Variants in CNIH3 observed in about 807,000 individuals in gnomAD.
CNIH3 encodes cornichon family AMPA receptor auxiliary protein 3.
CNIH3 carries 14 observed loss-of-function variants against 24.1 expected under a neutral mutation model. The observed-to-expected ratio is 0.58, with a 90% CI of 0.38 to 0.91. CNIH3 has a LOEUF of 0.91. Ranked by LOEUF, CNIH3 falls within the 40% of genes least tolerant of loss-of-function variation. The pLI is 0.00. For missense variants in CNIH3, 178 were observed against 196.8 expected, an observed-to-expected ratio of 0.90 and a Z score of 0.57; for synonymous variants, 68 against 73.8, an observed-to-expected ratio of 0.92 and a Z score of 0.40.
At chr1:224,739,180 G>T in intron 5 of CNIH3, 149 bp from the exon 6 acceptor site, 1 of 1,403,772 alleles carries the variant, frequency 7.1e-7, no homozygotes, top group Non-Finnish European at 9.5e-7. Flanking sequence ...AGTGGAGTTG[G>T]CGAGATGCTG....
chr1:224,575,537 T>C, intron 4 of CNIH3: 1 of 484,518 alleles, frequency 2.1e-6, no homozygotes, highest in South Asian at 2.3e-5. Context: ...TCTAGCTTGA[T>C]GTTGGATCTG....
intron 1 of CNIH3, 39 bp from the exon 2 acceptor site, chr1:224,680,919 G>T (rs575142252): frequency 2.7e-6 from 4 of 1,478,406 alleles, no homozygotes; most frequent in East Asian, 4.5e-5. Flanking sequence ...GTGTTGACTC[G>T]TGTGCACTAA....
chr1:224,658,531 T>G (rs1478905024), intron 1 of CNIH3, among the ~76,000 whole-genome samples: 1 of 151,918 alleles, frequency 6.6e-6, no homozygotes, highest in East Asian at 1.9e-4. Flanking sequence ...CAAAGGTTAA[T>G]ACACCTGATT....
chr1:224,697,026 G>A (rs1449060268), intron 3 of CNIH3, among the ~76,000 whole-genome samples: 1 of 152,200 alleles, frequency 6.6e-6, no homozygotes, highest in Non-Finnish European at 1.5e-5. Flanking sequence ...ATGTTAGCTA[G>A]CTGCAAAGTT....
intron 1 of CNIH3, among the ~76,000 whole-genome samples, chr1:224,679,515 A>G (rs918437579): frequency 6.6e-6 from 1 of 152,202 alleles, no homozygotes; most frequent in Non-Finnish European, 1.5e-5. Flanking sequence ...AAGGAAAGCA[A>G]TGATTAATTA....
At chr1:224,737,672 C>G (rs760451795) in intron 5 of CNIH3, among the ~76,000 whole-genome samples, 1 of 152,100 alleles carries the variant, frequency 6.6e-6, no homozygotes, top group African/African-American at 2.4e-5. Context: ...GCGGGGAAGA[C>G]GGGGTTGATA....
intron 3 of CNIH3, among the ~76,000 whole-genome samples, chr1:224,708,521 C>G (rs1384558412): frequency 3.3e-5 from 5 of 152,182 alleles, no homozygotes; most frequent in African/African-American, 1.2e-4. Flanking sequence ...TTCCTGACTC[C>G]TACGCATCTC....
At position 224,604,226 on chromosome 1, in the gene CNIH3, C is replaced by T. The variant is rs1404436713; in HGVS notation, n.402+37962C>T. On this transcript the variant is annotated intron_variant and non_coding_transcript_variant, in intron 3 of 7. Coordinates refer to the CNIH3 transcript ENST00000478120. This position sits in a 1 kb window ranked among gnomAD's most constrained non-coding sequence, Gnocchi z 4.4. ...AAATTCTACTGATTATTGCAATAGCCGTTATATGATTTGCCAATCAGAACA... is the reference window on the plus strand; with the variant it reads ...AAATTCTACTGATTATTGCAATAGCTGTTATATGATTTGCCAATCAGAACA... Among the ~76,000 whole-genome samples the T allele has an allele frequency of 2.6e-5, 4 of 152,120 alleles. No individual in the cohort carries two copies. Among genetic ancestry groups the T allele is most frequent in the Admixed American group, 6.5e-5 (1 of 15,282 alleles).
intron 1 of CNIH3, chr1:224,435,203 G>C: frequency 1.0e-6 from 1 of 986,286 alleles, no homozygotes; most frequent in Non-Finnish European, 1.2e-6. Flanking sequence ...GATGGGGCAG[G>C]GGGCTAGGAG....
At chr1:224,543,836 G>C (rs138175795) in intron 2 of CNIH3, among the ~76,000 whole-genome samples, 217 of 152,094 alleles carry the variant, frequency 1.4e-3, no homozygotes, top group Admixed American at 4.3e-3. Context: ...TCCTCTGCTT[G>C]GAATACCTTT....
At position 224,616,799 on chromosome 1, in the gene CNIH3, C is replaced by T. The variant is rs976414110; in HGVS notation, c.-376C>T. On this transcript the variant is annotated 5_prime_UTR_variant, in exon 1 of 6. Coordinates refer to ENST00000272133, the MANE Select transcript of CNIH3 (RefSeq NM_152495.2). ...GCTCTTCCTGGGGCGAATGGGACCT[C>T]CTCCCTCGGTCCTCCGTGGAGTCGT... 9.4e-7 allele frequency: 1 copy of T among 1,065,468 alleles called. No individual in the cohort carries two copies. Among genetic ancestry groups the T allele is most frequent in the Admixed American group, 4.9e-5 (1 of 20,408 alleles). 66.0% of individuals were successfully genotyped at this position (1,065,468 alleles called of 1,614,324 possible). A position where few individuals can be genotyped will look rare whatever the true frequency, so the allele number is the denominator to read the frequency against.
At chr1:224,671,321 C>T (rs1344033985) in intron 1 of CNIH3, among the ~76,000 whole-genome samples, 3 of 152,182 alleles carry the variant, frequency 2.0e-5, no homozygotes, top group Non-Finnish European at 4.4e-5. Flanking sequence ...TCAACTTCCT[C>T]TCCTAGACTC....
intron 1 of CNIH3, among the ~76,000 whole-genome samples, chr1:224,655,051 G>C (rs1685035305): frequency 1.3e-5 from 2 of 152,174 alleles, no homozygotes; most frequent in African/African-American, 4.8e-5. Flanking sequence ...GGAGGTATAG[G>C]GTTAAAAAAC....
chr1:224,685,459 C>T (rs373134323), intron 3 of CNIH3, among the ~76,000 whole-genome samples: 2 of 152,164 alleles, frequency 1.3e-5, no homozygotes, highest in East Asian at 1.9e-4. Context: ...TAGCTCTGTG[C>T]CATAGCTGGG....
rs188897247 is a variant in CNIH3 at position 224,661,739 on chromosome 1, C to T, written c.82-19219C>T. 19 of 197,184 alleles carry T rather than the reference C, an allele frequency of 9.6e-5. 1 individual carries two copies. In the East Asian group the frequency reaches 1.5e-3, roughly 16 times the overall value. 12.2% of individuals were successfully genotyped at this position (197,184 alleles called of 1,614,324 possible). A position where few individuals can be genotyped will look rare whatever the true frequency, so the allele number is the denominator to read the frequency against. The stretch of plus-strand genomic sequence containing the variant: ...TAGCATCTGACAGCACCTCACGTCT[C>T]GGCTACTTGTTTGAATTTTCTCTCT... On this transcript the variant is annotated intron_variant, in intron 1 of 5. Transcript: ENST00000272133.
chr1:224,558,847 A>G (rs1320532150), intron 3 of CNIH3, among the ~76,000 whole-genome samples: 1 of 152,246 alleles, frequency 6.6e-6, no homozygotes, highest in Non-Finnish European at 1.5e-5. Context: ...AAATGCTGCA[A>G]CTTCTGAAGG....
At position 224,604,926 on chromosome 1, in the gene CNIH3, G is replaced by A. The variant is rs1682357318; in HGVS notation, n.402+38662G>A. Reference sequence around the variant, plus strand: ...TGAAAATGGCTTTCAGAGGAGAGGGGACATGGGGTTGGTCCTGCTACCTGA... The same window carrying A: ...TGAAAATGGCTTTCAGAGGAGAGGGAACATGGGGTTGGTCCTGCTACCTGA... On this transcript the variant is annotated intron_variant and non_coding_transcript_variant, in intron 3 of 7. Transcript: ENST00000478120. The surrounding 1 kb of genome is among the most constrained non-coding windows in gnomAD (Gnocchi z 4.4). Among the ~76,000 whole-genome samples, 1 of 152,188 alleles carries A rather than the reference G, an allele frequency of 6.6e-6. No homozygotes were observed. The highest frequency in any genetic ancestry group is 2.4e-5 in the African/African-American group (1 of 41,440).
chr1:224,712,033 GC>G (rs1317124580), intron 3 of CNIH3, among the ~76,000 whole-genome samples: 1 of 151,980 alleles, frequency 6.6e-6, no homozygotes, highest in Non-Finnish European at 1.5e-5. Flanking sequence ...CCAGGCTATT[GC>G]CCTGGTTCTC....
downstream of CNIH3, among the ~76,000 whole-genome samples, chr1:224,590,255 A>G (rs1681695364): frequency 6.6e-6 from 1 of 152,230 alleles, no homozygotes; most frequent in African/African-American, 2.4e-5. Context: ...TGAATGAATG[A>G]TTAAAGCCCA....
Sources: allele counts gnomAD v4.1 joint callset (sites outside exome capture counted in the v4.1 genomes callset), GRCh38; gene constraint gnomAD v4.1.1; non-coding constraint Gnocchi (gnomAD v3.1); transcripts MANE v1.5; gene names NCBI Gene and HGNC (gene_info 2026-07-23, HGNC 2026-07-21).